Variants in USP26 observed in about 807,000 individuals in gnomAD.
The protein encoded by USP26 is ubiquitin carboxyl-terminal hydrolase 26.
For synonymous variants in USP26, 236 were observed against 240.6 expected (o/e 0.98, Z 0.18); for missense variants, 649 against 642.3 (o/e 1.01, Z -0.11).
intron 5 of USP26, among the ~76,000 whole-genome samples, chrX:133,031,733 G>A (rs1274454453): frequency 8.9e-6 from 1 of 111,887 alleles, no homozygotes; most frequent in African/African-American, 3.2e-5. Context: ...ATAGAAGAAT[G>A]AAAAAACCCC....
At chrX:133,082,536 A>G (rs1329645071) in intron 5 of USP26, among the ~76,000 whole-genome samples, 1 of 112,482 alleles carries the variant, frequency 8.9e-6, no homozygotes, top group Non-Finnish European at 1.9e-5. Flanking sequence ...ATGGTAGGTT[A>G]AGGAACTATT....
intron 5 of USP26, among the ~76,000 whole-genome samples, chrX:133,083,133 C>T (rs1430815484): frequency 1.8e-5 from 2 of 111,628 alleles, no homozygotes; most frequent in Non-Finnish European, 3.8e-5. Context: ...GGGGAGGAGG[C>T]GAGGAGCAGA....
At chrX:133,031,318 C>A (rs1159119104) in intron 5 of USP26, among the ~76,000 whole-genome samples, 1 of 111,703 alleles carries the variant, frequency 9.0e-6, no homozygotes, top group Admixed American at 9.5e-5. Flanking sequence ...TTTTGAAAAG[C>A]AAAACAACTT....
chrX:133,092,041 C>A (rs1228044770), intron 1 of USP26, among the ~76,000 whole-genome samples: 1 of 111,392 alleles, frequency 9.0e-6, no homozygotes, highest in Non-Finnish European at 1.9e-5. Context: ...ACTTCCTTTT[C>A]CACTTATTCA....
At position 133,059,819 on chromosome X, in the gene USP26, C is replaced by G. The variant is rs190789766; in HGVS notation, c.-77+23888G>C. Among the ~76,000 whole-genome samples the G allele has an allele frequency of 1.1e-4, 12 of 111,825 alleles. 1 individual carries two copies. The East Asian group carries it at 3.1e-3, about 29-fold the overall frequency. ...TTGCTTACCTTCCACTCTTCCTCTT[C>G]CTTAAAATCACTGACAATGATCTCC... On this transcript the variant is annotated intron_variant, in intron 5 of 5. Transcript: ENST00000511190.
chrX:133,067,761 T>C (rs1236125165), intron 5 of USP26, among the ~76,000 whole-genome samples: 1 of 111,335 alleles, frequency 9.0e-6, no homozygotes, highest in African/African-American at 3.3e-5. Flanking sequence ...TTAAGACAAA[T>C]ACCTAATGCA....
At chrX:133,042,061 A>G (rs902672741) in intron 5 of USP26, among the ~76,000 whole-genome samples, 1 of 111,828 alleles carries the variant, frequency 8.9e-6, no homozygotes, top group Non-Finnish European at 1.9e-5. Context: ...TCCTCCCCAC[A>G]TCAAGCCCGA....
At chrX:133,088,835 T>C (rs1173727636) in intron 4 of USP26, among the ~76,000 whole-genome samples, 1 of 111,963 alleles carries the variant, frequency 8.9e-6, no homozygotes, top group Non-Finnish European at 1.9e-5. Flanking sequence ...GTCACAGTTA[T>C]AGTTAGGATT....
At chrX:133,045,344 T>C (rs767516132) in intron 5 of USP26, among the ~76,000 whole-genome samples, 3 of 111,051 alleles carry the variant, frequency 2.7e-5, no homozygotes, top group Admixed American at 1.9e-4. Context: ...CTGTAAAACA[T>C]ACCAATCAGC....
intron 1 of USP26, among the ~76,000 whole-genome samples, chrX:133,095,604 A>G (rs5933265): frequency 0.35 from 38,869 of 110,859 alleles, 6,255 homozygotes; most frequent in Middle Eastern, 0.51. Context: ...TCCAATGCCA[A>G]CAATATTTTT....
intron 5 of USP26, among the ~76,000 whole-genome samples, chrX:133,048,169 C>A (rs2067446799): frequency 9.0e-6 from 1 of 111,637 alleles, no homozygotes; most frequent in Admixed American, 9.5e-5. Context: ...AGAGTTACCC[C>A]CTACAGTGCT....
At chrX:133,037,832 T>G (rs1167288985) in intron 5 of USP26, among the ~76,000 whole-genome samples, 1 of 111,859 alleles carries the variant, frequency 8.9e-6, no homozygotes, top group Non-Finnish European at 1.9e-5. Context: ...TTTGTTTGTG[T>G]CCTCTCTGAT....
At chrX:133,089,693 A>G (rs1310295607) in intron 4 of USP26, among the ~76,000 whole-genome samples, 2 of 112,409 alleles carry the variant, frequency 1.8e-5, no homozygotes, top group Non-Finnish European at 3.8e-5. Flanking sequence ...GAGCTCATTC[A>G]TGAGTGCCTA....
At chrX:133,086,199 C>T (rs775968234) in intron 4 of USP26, among the ~76,000 whole-genome samples, 87 of 112,171 alleles carry the variant, frequency 7.8e-4, no homozygotes, top group Non-Finnish European at 1.2e-3. Context: ...CAATAAATGA[C>T]GTTGTGCTAA....
intron 5 of USP26, among the ~76,000 whole-genome samples, chrX:133,031,468 G>A (rs185377031): frequency 1.8e-5 from 2 of 110,821 alleles, no homozygotes; most frequent in East Asian, 5.6e-4. Context: ...ATACTTCTAA[G>A]TACAAAATAC....
intron 5 of USP26, among the ~76,000 whole-genome samples, chrX:133,043,443 C>T (rs943339835): frequency 2.7e-5 from 3 of 112,621 alleles, no homozygotes; most frequent in South Asian, 3.7e-4. Flanking sequence ...CCCATTACAA[C>T]GTTCTTTGCT....
Position 133,073,064 on chromosome X carries a change from A to G in USP26, c.-77+10643T>C, listed in dbSNP as rs188083792. ...GAATAATGTCAAAGAAATTGCAATA[A>G]ACGGGGGTGATATGCACTCCAAGGC... On this transcript the variant is annotated intron_variant, in intron 5 of 5. Transcript: ENST00000511190. 1.1e-4 allele frequency among the ~76,000 whole-genome samples: 12 copies of G among 111,812 alleles called. No individual in the cohort carries two copies. The East Asian group carries it at 3.4e-3, about 31-fold the overall frequency.
chrX:133,029,825 A>G (rs2067369827), intron 5 of USP26, among the ~76,000 whole-genome samples: 1 of 111,634 alleles, frequency 9.0e-6, no homozygotes, highest in African/African-American at 3.3e-5. Context: ...CTCACAGTCC[A>G]TCCTGACTAC....
At chrX:133,061,619 C>T (rs2067494379) in intron 5 of USP26, among the ~76,000 whole-genome samples, 2 of 112,174 alleles carry the variant, frequency 1.8e-5, no homozygotes, top group Admixed American at 1.9e-4. Context: ...CTCACTGGGA[C>T]TGGTTAGGCA....
Sources: allele counts gnomAD v4.1 joint callset (sites outside exome capture counted in the v4.1 genomes callset), GRCh38; gene constraint gnomAD v4.1.1; transcripts MANE v1.5; gene names NCBI Gene and HGNC (gene_info 2026-07-23, HGNC 2026-07-21).